SOBP: variants seen among roughly 807,000 people sequenced by gnomAD.
SOBP encodes the protein sine oculis binding protein homolog, also known as sine oculis-binding protein homolog.
Under a neutral mutation model 53.6 loss-of-function variants are expected in SOBP, and 4 were observed. The ratio of observed to expected loss-of-function variants is 0.07; its 90% CI spans 0.04 to 0.17. SOBP has a LOEUF of 0.17. SOBP is among the 10% of genes least tolerant of loss of function. The probability of loss-of-function intolerance (pLI) is 1.00; values close to 1 mark genes in which losing one functional copy is unlikely to be tolerated. For missense variants in SOBP, 1,088 were observed against 1,204.7 expected, an observed-to-expected ratio of 0.90 and a Z score of 1.43; for synonymous variants, 584 against 522.6, an observed-to-expected ratio of 1.12 and a Z score of -1.60.
chr6:107,513,213 A>G (rs910801451), intron 3 of SOBP, among the ~76,000 whole-genome samples: 1 of 152,160 alleles, frequency 6.6e-6, no homozygotes, highest in Non-Finnish European at 1.5e-5. Context: ...AACAATGACC[A>G]TTTCCTGTCC....
intron 3 of SOBP, among the ~76,000 whole-genome samples, chr6:107,519,865 A>G (rs1242257773): frequency 6.6e-6 from 1 of 152,180 alleles, no homozygotes; most frequent in African/African-American, 2.4e-5. Context: ...TCACATGCCC[A>G]TTAAAGCACC....
chr6:107,656,031 T>G (rs1421324174), intron 6 of SOBP, among the ~76,000 whole-genome samples: 1 of 152,140 alleles, frequency 6.6e-6, no homozygotes. Flanking sequence ...GGAGGCCCCC[T>G]CTAACTACAA....
intron 1 of SOBP, among the ~76,000 whole-genome samples, chr6:107,499,018 A>G (rs969273811): frequency 3.3e-5 from 5 of 152,238 alleles, no homozygotes; most frequent in African/African-American, 7.2e-5. Flanking sequence ...CTAGAGGTCA[A>G]TGATCAAATC....
At chr6:107,593,204 A>C (rs1583248568) in intron 5 of SOBP, among the ~76,000 whole-genome samples, 1 of 152,270 alleles carries the variant, frequency 6.6e-6, no homozygotes, top group African/African-American at 2.4e-5. Flanking sequence ...CGTGCATGCA[A>C]ACTCTATTTT....
intron 5 of SOBP, among the ~76,000 whole-genome samples, chr6:107,589,045 T>A (rs1330021491): frequency 6.6e-6 from 1 of 152,238 alleles, no homozygotes; most frequent in Non-Finnish European, 1.5e-5. Flanking sequence ...TGAAAGAGAC[T>A]TGTTCATTCA....
At chr6:107,647,820 G>C (rs1190577913) in intron 6 of SOBP, among the ~76,000 whole-genome samples, 1 of 151,978 alleles carries the variant, frequency 6.6e-6, no homozygotes, top group Non-Finnish European at 1.5e-5. Flanking sequence ...TGCCACCCAC[G>C]GCATGGCTTC....
chr6:107,656,371 A>ACAGAC (rs1562131281), intron 6 of SOBP, among the ~76,000 whole-genome samples: 1 of 79,320 alleles, frequency 1.3e-5, no homozygotes, highest in Non-Finnish European at 4.4e-5. Context: ...GAAAGAAAGT[A>ACAGAC]AGTCAAATGT....
intron 4 of SOBP, among the ~76,000 whole-genome samples, chr6:107,578,601 A>T (rs1205864011): frequency 2.0e-5 from 3 of 152,230 alleles, no homozygotes; most frequent in Non-Finnish European, 4.4e-5. Flanking sequence ...CTACTTCATA[A>T]GTCATTTCTT....
intron 1 of SOBP, among the ~76,000 whole-genome samples, chr6:107,494,960 G>A (rs1782663686): frequency 6.6e-6 from 1 of 152,218 alleles, no homozygotes; most frequent in Admixed American, 6.5e-5. Context: ...TTTTAAGAGA[G>A]AGAGAGAGAA....
At chr6:107,512,553 C>T (rs1445408856) in intron 3 of SOBP, among the ~76,000 whole-genome samples, 1 of 152,180 alleles carries the variant, frequency 6.6e-6, no homozygotes, top group African/African-American at 2.4e-5. Context: ...AGTGTAATAG[C>T]CCTTGGCTGC....
intron 5 of SOBP, among the ~76,000 whole-genome samples, chr6:107,593,756 A>G (rs958535129): frequency 6.6e-6 from 1 of 152,252 alleles, no homozygotes; most frequent in African/African-American, 2.4e-5. Context: ...AAATGGAGCT[A>G]GAAGGATGCA....
At position 107,634,286 on chromosome 6, in the gene SOBP, C is replaced by T. The variant is rs573682166; in HGVS notation, c.1442C>T (p.Pro481Leu). ...NPPGLLPPPP[P>L]GAPLPSLPFP... ...CCAGGCCTGCTGCCCCCGCCGCCTC[C>T]GGGCGCCCCGCTGCCGAGTCTTCCC... Residue 481 changes from proline (P) to leucine (L), a missense_variant, in exon 6 of 7, where the codon CCG (proline) becomes CTG (leucine). Coordinates refer to ENST00000317357, the MANE Select transcript of SOBP (RefSeq NM_018013.4). This position sits in a 1 kb window ranked among gnomAD's most constrained non-coding sequence, Gnocchi z 4.5. 5.1e-6 allele frequency: 8 copies of T among 1,559,442 alleles called. No individual in the cohort carries two copies. The highest frequency in any genetic ancestry group is 4.8e-5 in the East Asian group (2 of 41,814).
At chr6:107,653,198 C>T (rs770737731) in intron 6 of SOBP, among the ~76,000 whole-genome samples, 2 of 152,220 alleles carry the variant, frequency 1.3e-5, no homozygotes, top group South Asian at 2.1e-4. Flanking sequence ...GAGAAGGAAT[C>T]GTGTTTTGGT....
At chr6:107,510,392 C>T (rs192333662) in intron 3 of SOBP, among the ~76,000 whole-genome samples, 4 of 152,252 alleles carry the variant, frequency 2.6e-5, no homozygotes, top group African/African-American at 9.6e-5. Context: ...GAAGGAAGAA[C>T]AGCAAGGGCA....
chr6:107,630,703 A>T (rs1770667997), intron 5 of SOBP, among the ~76,000 whole-genome samples: 1 of 151,672 alleles, frequency 6.6e-6, no homozygotes, highest in Non-Finnish European at 1.5e-5. Context: ...AGTATTCTGA[A>T]TTGAAATTTA....
At position 107,526,383 on chromosome 6, in the gene SOBP, T is replaced by C. The variant is rs138286198; in HGVS notation, c.422-7076T>C. ...TCAGGCCCTATCAGCTCCTGTCTAA[T>C]CTACTTTTCCCTTCACACAAGCTTG... is the stretch of plus-strand genomic sequence containing the variant. On this transcript the variant is annotated intron_variant, in intron 3 of 6. Coordinates refer to ENST00000317357, the MANE Select transcript of SOBP (RefSeq NM_018013.4). Among the ~76,000 whole-genome samples the C allele has an allele frequency of 2.7e-4, 41 of 152,308 alleles. No homozygotes were observed. In the East Asian group the frequency reaches 7.3e-3, roughly 27 times the overall value.
chr6:107,545,783 G>C (rs1447701397), intron 4 of SOBP, among the ~76,000 whole-genome samples: 1 of 152,032 alleles, frequency 6.6e-6, no homozygotes, highest in African/African-American at 2.4e-5. Flanking sequence ...AGATCTAGTA[G>C]CTCCTGAAAG....
At chr6:107,588,520 T>G (rs1785638698) in intron 5 of SOBP, among the ~76,000 whole-genome samples, 1 of 152,208 alleles carries the variant, frequency 6.6e-6, no homozygotes, top group South Asian at 2.1e-4. Flanking sequence ...TTTTGTTCAT[T>G]TCGGTTTTAA....
At chr6:107,509,421 AAG>A (rs1783098748) in intron 3 of SOBP, among the ~76,000 whole-genome samples, 3 of 151,804 alleles carry the variant, frequency 2.0e-5, no homozygotes, top group African/African-American at 7.3e-5. Flanking sequence ...CAAAACAAAA[AAG>A]AAAATGTGTG....
Sources: gnomAD v4.1 joint callset for allele counts (sites outside exome capture counted in the v4.1 genomes callset) on GRCh38, gnomAD v4.1.1 for gene constraint, Gnocchi (gnomAD v3.1) non-coding constraint, MANE v1.5 for transcripts, NCBI Gene and HGNC (gene_info 2026-07-23, HGNC 2026-07-21) for gene names.